NUP133: variants seen among roughly 807,000 people sequenced by gnomAD.
NUP133 encodes the protein nucleoporin 133.
A neutral mutation model predicts 146.2 loss-of-function variants in NUP133; 66 were observed. The observed-to-expected ratio is 0.45, with a 90% CI of 0.37 to 0.55. The LOEUF (loss-of-function observed/expected upper bound fraction) is 0.55. NUP133 is among the 20% of genes least tolerant of loss of function. NUP133 has a pLI of 0.00. For missense variants in NUP133, 1,277 were observed against 1,374.8 expected (o/e 0.93, Z 1.12); for synonymous variants, 521 against 498.8 (o/e 1.04, Z -0.59).
chr1:229,461,002 A>C (rs1382983726), intron 19 of NUP133, among the ~76,000 whole-genome samples: 4 of 152,192 alleles, frequency 2.6e-5, no homozygotes, highest in African/African-American at 9.7e-5. Context: ...CAGAATCTAG[A>C]TGTGCGCTGG....
chr1:229,475,583 G>A (rs1012711692), intron 14 of NUP133, 55 bp downstream of exon 14: 39 of 1,280,044 alleles, frequency 3.0e-5, no homozygotes, highest in African/African-American at 4.4e-5. Flanking sequence ...ACTTCCCACT[G>A]TGTTGGAGAG....
rs1156702322 is a variant in NUP133 at position 229,500,779 on chromosome 1, A to C, written c.490T>G (p.Ser164Ala). 1 of 1,610,932 alleles carries C rather than the reference A, an allele frequency of 6.2e-7. No homozygotes were observed. Among genetic ancestry groups the C allele is most frequent in the South Asian group, 1.1e-5 (1 of 90,880 alleles). ...DLVALSYSSP[S>A]GEAHSTQAVA... ...ACCTGAGTAGAATGTGCTTCACCTGAGGGAGAAGAGTAAGAAAGAGCCACT... is the reference window on the plus strand; with the variant it reads ...ACCTGAGTAGAATGTGCTTCACCTGCGGGAGAAGAGTAAGAAAGAGCCACT... Residue 164 changes from serine (S) to alanine (A), a missense_variant, in exon 4 of 26, where the codon TCA becomes GCA. Ser to Ala is a moderately conservative substitution (Grantham distance 99, BLOSUM62 1). Transcript: ENST00000261396.
chr1:229,484,752 A>C (rs1418258187), intron 11 of NUP133, among the ~76,000 whole-genome samples: 5 of 152,250 alleles, frequency 3.3e-5, no homozygotes, highest in African/African-American at 1.2e-4. Flanking sequence ...ATTGCTTCAG[A>C]ATGTATAACA....
Position 229,466,679 on chromosome 1 carries a change from G to A in NUP133, c.2154C>T (p.Ser718=), listed in dbSNP as rs1196094094. The change falls in exon 16 of 26, where the codon TCC becomes TCT. Residue 718 remains serine, a synonymous_variant. Coordinates refer to ENST00000261396, the MANE Select transcript of NUP133 (RefSeq NM_018230.3). ...EQVLRDAPMD[S]IEWAEVVINV... is the part of the protein sequence containing the mutation. Reference sequence around the variant, plus strand: ...TGATCACCACTTCAGCCCATTCAATGGAATCCATAGGTGCATCCCTCAAGA... The same window carrying A: ...TGATCACCACTTCAGCCCATTCAATAGAATCCATAGGTGCATCCCTCAAGA... The A allele has an allele frequency of 1.2e-6, 2 of 1,613,978 alleles. No homozygotes were observed. The highest frequency in any genetic ancestry group is 1.1e-5 in the South Asian group (1 of 91,068).
intron 18 of NUP133, among the ~76,000 whole-genome samples, 167 bp downstream of exon 18, chr1:229,464,457 T>G (rs752459178): frequency 6.6e-6 from 1 of 152,242 alleles, no homozygotes; most frequent in Non-Finnish European, 1.5e-5. Flanking sequence ...ACCTAGATAG[T>G]ACTGGAAAAA....
intron 14 of NUP133, among the ~76,000 whole-genome samples, chr1:229,472,847 G>C (rs1660991793): frequency 6.6e-6 from 1 of 151,744 alleles, no homozygotes; most frequent in East Asian, 1.9e-4. Context: ...TAGAGGCAAG[G>C]GTACTGTTCT....
At chr1:229,475,069 T>C (rs1052980618) in intron 14 of NUP133, among the ~76,000 whole-genome samples, 20 of 151,966 alleles carry the variant, frequency 1.3e-4, no homozygotes, top group African/African-American at 3.9e-4. Flanking sequence ...GCCACTACAC[T>C]CCAGACTGGG....
Position 229,465,429 on chromosome 1 carries a change from G to T in NUP133, c.2290C>A (p.Pro764Thr). 2 of 1,604,540 alleles carry T rather than the reference G, an allele frequency of 1.2e-6. No homozygotes were observed. Among genetic ancestry groups the T allele is most frequent in the South Asian group, 1.1e-5 (1 of 90,878 alleles). The change falls in exon 17 of 26, where the codon CCA (proline) becomes ACA (threonine). Residue 764 changes from proline to threonine, a missense_variant. Pro to Thr is a conservative substitution (Grantham distance 38, BLOSUM62 -1). Around this residue, in one of 3 missense-constraint regions of NUP133, gnomAD observed 952 missense variants for 1,047.0 expected, o/e 0.91. Transcript: ENST00000261396. ...ESLEKEPEYV[P>T]WTATSGPGGI... ...TAAATCAGTATATTACCCGTCCATGGAACATATTCAGGTTCTTTTTCTAGT... is the reference window on the plus strand; with the variant it reads ...TAAATCAGTATATTACCCGTCCATGTAACATATTCAGGTTCTTTTTCTAGT...
At chr1:229,476,960 T>TGG (rs2102767284) in intron 13 of NUP133, among the ~76,000 whole-genome samples, 1 of 148,190 alleles carries the variant, frequency 6.7e-6, no homozygotes, top group Non-Finnish European at 1.5e-5. Flanking sequence ...AAACTGGGAT[T>TGG]GGGGGGCAGG....
chr1:229,467,714 C>A (rs758632632), intron 15 of NUP133, among the ~76,000 whole-genome samples: 26 of 152,040 alleles, frequency 1.7e-4, no homozygotes, highest in Non-Finnish European at 2.9e-4. Context: ...ATCACAAGGT[C>A]AAGAGATCAA....
intron 1 of NUP133, among the ~76,000 whole-genome samples, chr1:229,507,329 G>A (rs1385323395): frequency 6.6e-6 from 1 of 152,082 alleles, no homozygotes; most frequent in East Asian, 1.9e-4. Context: ...ACAATACTTT[G>A]TGTTTCCTGC....
chr1:229,473,976 G>A (rs1284265356), intron 14 of NUP133, among the ~76,000 whole-genome samples: 1 of 152,182 alleles, frequency 6.6e-6, no homozygotes, highest in Non-Finnish European at 1.5e-5. Flanking sequence ...CATCCCAGCT[G>A]TCCTTGTGAC....
At chr1:229,470,108 G>C (rs986768512) in intron 15 of NUP133, among the ~76,000 whole-genome samples, 5 of 152,126 alleles carry the variant, frequency 3.3e-5, no homozygotes, top group African/African-American at 1.2e-4. Flanking sequence ...TGTAATCCCA[G>C]CACTTTGGGA....
chr1:229,441,618 A>G lies in NUP133; in HGVS notation c.*286T>C, dbSNP rs1185266005. ...TGATTTGTACATGTGAGCAGCTAGAACCAGGACAAGAACTCCAGAACCTGG... is the reference window on the plus strand; with the variant it reads ...TGATTTGTACATGTGAGCAGCTAGAGCCAGGACAAGAACTCCAGAACCTGG... On this transcript the variant is annotated 3_prime_UTR_variant, in exon 26 of 26. Coordinates refer to ENST00000261396, the MANE Select transcript of NUP133 (RefSeq NM_018230.3). 1 of 380,716 alleles carries G rather than the reference A, an allele frequency of 2.6e-6. No individual in the cohort carries two copies. Among genetic ancestry groups the G allele is most frequent in the East Asian group, 6.4e-5 (1 of 15,532 alleles). The allele number at this position is 380,716 out of a possible 1,614,324, so 23.6% of individuals were successfully genotyped here.
chr1:229,499,654 A>G (rs765798735), intron 5 of NUP133, 30 bp downstream of exon 5: 2 of 1,569,506 alleles, frequency 1.3e-6, no homozygotes, highest in East Asian at 2.3e-5. Flanking sequence ...ACAGCTTTCC[A>G]ATAAATATAA....
At chr1:229,462,579 A>T in intron 19 of NUP133, among the ~76,000 whole-genome samples, 1 of 149,166 alleles carries the variant, frequency 6.7e-6, no homozygotes. Context: ...TTTTTTTTTT[A>T]AAGATAGGTC....
intron 14 of NUP133, among the ~76,000 whole-genome samples, chr1:229,474,393 A>G (rs1392252931): frequency 6.6e-6 from 1 of 151,242 alleles, no homozygotes; most frequent in Non-Finnish European, 1.5e-5. Flanking sequence ...TCATTAATCC[A>G]TATCCCACCT....
chr1:229,450,543 C>G lies in NUP133; in HGVS notation c.3162G>C (p.Leu1054Phe). Residue 1054 changes from leucine (L) to phenylalanine (F), a missense_variant, in exon 23 of 26, where the codon TTG becomes TTC. Physicochemically the swap from Leu to Phe is conservative, Grantham distance 22. Coordinates refer to ENST00000261396, the MANE Select transcript of NUP133 (RefSeq NM_018230.3). ...TACTTACCTCATCAATATATTCCAA[C>G]AAGTCCAAAGCTTTCTTGAAATCAT... Reference protein sequence around the residue: ...NEYDFKKALDLLEYIDEEEDI... With the variant: ...NEYDFKKALDFLEYIDEEEDI... 6.3e-7 allele frequency: 1 copy of G among 1,583,528 alleles called. No homozygotes were observed. Among genetic ancestry groups the G allele is most frequent in the East Asian group, 2.3e-5 (1 of 44,264 alleles).
At chr1:229,453,648 A>G (rs1224408081) in intron 21 of NUP133, among the ~76,000 whole-genome samples, 1 of 152,226 alleles carries the variant, frequency 6.6e-6, no homozygotes, top group Non-Finnish European at 1.5e-5. Flanking sequence ...TACTGTTAAC[A>G]CTTCAGCAAG....
Sources: allele counts gnomAD v4.1 joint callset (sites outside exome capture counted in the v4.1 genomes callset), GRCh38; gene constraint gnomAD v4.1.1; regional missense constraint gnomAD v4.1.1; transcripts MANE v1.5; gene names NCBI Gene and HGNC (gene_info 2026-07-23, HGNC 2026-07-21).